NBAS: variants seen among roughly 807,000 people sequenced by gnomAD.
The protein encoded by NBAS is NBAS subunit of NRZ tethering complex, also known as NAG/BC035112 fusion.
NBAS carries 219 observed loss-of-function variants against 302.5 expected under a neutral mutation model. That is an observed-to-expected ratio of 0.72 (90% CI 0.65 to 0.81). The LOEUF (loss-of-function observed/expected upper bound fraction) is 0.81, where lower values mean the gene tolerates loss of function less well. Among genes scored for constraint, NBAS ranks in the 30% least tolerant of loss-of-function variants. The probability of loss-of-function intolerance (pLI) is 0.00; values close to 1 mark genes in which losing one functional copy is unlikely to be tolerated. For synonymous variants in NBAS, 1,118 were observed against 1,021.6 expected (o/e 1.09, Z -1.80); for missense variants, 2,932 against 2,841.6 (o/e 1.03, Z -0.72).
chr2:15,279,599 T>C (rs1038023122), intron 42 of NBAS, among the ~76,000 whole-genome samples: 8 of 152,218 alleles, frequency 5.3e-5, no homozygotes, highest in Non-Finnish European at 8.8e-5. Flanking sequence ...ATTATGAATA[T>C]AGTCTCTCTC....
In NBAS at chr2:15,543,892, G is replaced by A. The variant is rs79107484; in HGVS notation, c.380-4536C>T. Among the ~76,000 whole-genome samples the A allele has an allele frequency of 7.7e-3, 1,168 of 152,222 alleles. 19 individuals are homozygous for A. The highest frequency in any genetic ancestry group is 0.057 in the East Asian group (296 of 5,184). ...TAATCTATAAATTCCAAAATGTCAG[G>A]AGCTGTGTCTATTTTGTTCATAATG... On this transcript the variant is annotated intron_variant, in intron 6 of 51. Transcript: ENST00000281513.
the NBAS span, among the ~76,000 whole-genome samples, chr2:14,848,203 G>A: frequency 1.9e-4 from 29 of 151,710 alleles, no homozygotes; most frequent in African/African-American, 5.4e-4. Context: ...GAGAGTGGGC[G>A]CAGGACAGTG....
chr2:14,896,719 G>A, the NBAS span, among the ~76,000 whole-genome samples: 2 of 152,146 alleles, frequency 1.3e-5, no homozygotes, highest in Non-Finnish European at 2.9e-5. Flanking sequence ...AGAAGACAGG[G>A]AGCCCAGGCC....
chr2:15,547,231 G>A (rs1392961820), intron 6 of NBAS, among the ~76,000 whole-genome samples: 1 of 152,138 alleles, frequency 6.6e-6, no homozygotes, highest in Non-Finnish European at 1.5e-5. Flanking sequence ...ATTTCAGTTT[G>A]TAGACTCTGC....
At chr2:14,930,445 C>T in the NBAS span, among the ~76,000 whole-genome samples, 3 of 152,136 alleles carry the variant, frequency 2.0e-5, no homozygotes, top group Admixed American at 6.5e-5. Context: ...TCATACTGTG[C>T]GTGTACCTGA....
chr2:14,953,068 T>C, the NBAS span, among the ~76,000 whole-genome samples: 4 of 152,112 alleles, frequency 2.6e-5, no homozygotes, highest in African/African-American at 7.2e-5. Flanking sequence ...GTGGAGGAAA[T>C]AGCACAAACA....
In NBAS at chr2:15,489,106, C is replaced by T. The variant is rs558297044; in HGVS notation, c.955-84G>A. On this transcript the variant is annotated intron_variant, in intron 11 of 51. Coordinates refer to ENST00000281513, the MANE Select transcript of NBAS (RefSeq NM_015909.4). ...AAGTAAATGACACTCTTTAGAGGTG[C>T]CAAGTTATAAATGATCTTTAGTAAT... is the stretch of plus-strand genomic sequence containing the variant. The T allele has an allele frequency of 1.7e-4, 240 of 1,450,574 alleles. 2 individuals carry two copies. The South Asian group carries it at 2.5e-3, about 15-fold the overall frequency. The allele number at this position is 1,450,574 out of a possible 1,614,324, so 89.9% of individuals were successfully genotyped here. A position where few individuals can be genotyped will look rare whatever the true frequency, so the allele number is the denominator to read the frequency against.
intron 48 of NBAS, among the ~76,000 whole-genome samples, chr2:15,211,190 T>C (rs1199713293): frequency 3.3e-5 from 5 of 152,176 alleles, no homozygotes; most frequent in Non-Finnish European, 4.4e-5. Context: ...TATCTTGATG[T>C]GATTTTTATG....
At chr2:15,249,532 T>A (rs963708217) in intron 44 of NBAS, among the ~76,000 whole-genome samples, 1 of 152,186 alleles carries the variant, frequency 6.6e-6, no homozygotes, top group Non-Finnish European at 1.5e-5. Flanking sequence ...TTGTCTCTGT[T>A]TGCAGATGAC....
chr2:15,457,822 A>T (rs904386927), intron 21 of NBAS, among the ~76,000 whole-genome samples: 11 of 152,246 alleles, frequency 7.2e-5, no homozygotes, highest in Non-Finnish European at 1.5e-4. Flanking sequence ...AGTACATCTT[A>T]CTGCTCTACT....
chr2:14,902,897 AC>A, the NBAS span, among the ~76,000 whole-genome samples: 1 of 152,318 alleles, frequency 6.6e-6, no homozygotes, highest in East Asian at 1.9e-4. Flanking sequence ...AGGAAAATAA[AC>A]AAGGTGAGAA....
chr2:15,054,580 T>C, the NBAS span, among the ~76,000 whole-genome samples: 1 of 152,214 alleles, frequency 6.6e-6, no homozygotes, highest in Non-Finnish European at 1.5e-5. Context: ...CATAACGTTA[T>C]GGTTTATGTG....
chr2:15,321,730 A>C (rs1361165806), intron 38 of NBAS, among the ~76,000 whole-genome samples: 1 of 152,212 alleles, frequency 6.6e-6, no homozygotes, highest in Non-Finnish European at 1.5e-5. Context: ...ATCGTTAAAA[A>C]GTCAGGAAAC....
the NBAS span, among the ~76,000 whole-genome samples, chr2:14,906,196 C>T: frequency 6.6e-6 from 1 of 152,192 alleles, no homozygotes; most frequent in Admixed American, 6.5e-5. Context: ...ACAGCAGTAC[C>T]TACCCTTAAT....
At chr2:15,442,925 C>A (rs1678510590) in intron 21 of NBAS, among the ~76,000 whole-genome samples, 2 of 152,172 alleles carry the variant, frequency 1.3e-5, no homozygotes, top group African/African-American at 4.8e-5. Context: ...AATTCCTCGA[C>A]ACATACACTC....
At chr2:14,883,887 T>G in the NBAS span, among the ~76,000 whole-genome samples, 83,136 of 151,472 alleles carry the variant, frequency 0.55, 25,809 homozygotes, top group African/African-American at 0.86. Context: ...CCTGAGCCTA[T>G]GAGGTTGAGA....
chr2:15,503,361 T>G (rs576561769), intron 11 of NBAS, among the ~76,000 whole-genome samples: 1 of 152,124 alleles, frequency 6.6e-6, no homozygotes, highest in East Asian at 1.9e-4. Flanking sequence ...AATACAGTAT[T>G]TGAGGGATAT....
chr2:14,828,460 T>C, the NBAS span, among the ~76,000 whole-genome samples: 1 of 152,044 alleles, frequency 6.6e-6, no homozygotes, highest in African/African-American at 2.4e-5. Flanking sequence ...GGAGGAGAGG[T>C]TAGGCAGAGT....
chr2:15,293,279 A>G (rs966878664), intron 40 of NBAS, among the ~76,000 whole-genome samples: 1 of 152,188 alleles, frequency 6.6e-6, no homozygotes, highest in Non-Finnish European at 1.5e-5. Context: ...TAAGTTCGGG[A>G]AAAAACCTCT....
Sources: allele counts gnomAD v4.1 joint callset (sites outside exome capture counted in the v4.1 genomes callset), GRCh38; gene constraint gnomAD v4.1.1; transcripts MANE v1.5; gene names NCBI Gene and HGNC (gene_info 2026-07-23, HGNC 2026-07-21).